Variants in PTPRD observed in about 807,000 individuals in gnomAD.
PTPRD encodes the protein receptor-type tyrosine-protein phosphatase delta.
Under a neutral mutation model 214.5 loss-of-function variants are expected in PTPRD, and 34 were observed. The observed-to-expected ratio is 0.16, with a 90% CI of 0.12 to 0.21. The LOEUF (loss-of-function observed/expected upper bound fraction) is 0.21, where lower values mean the gene tolerates loss of function less well. Among genes scored for constraint, PTPRD ranks in the 10% least tolerant of loss-of-function variants. PTPRD has a pLI of 1.00. For synonymous variants in PTPRD, 1,128 were observed against 845.7 expected (o/e 1.33, Z -5.79); for missense variants, 2,545 against 2,398.7 (o/e 1.06, Z -1.27).
At position 10,230,394 on chromosome 9, in the gene PTPRD, A is replaced by G. The variant is rs1031877107; in HGVS notation, c.-545+110569T>C. Among the ~76,000 whole-genome samples, 8 of 151,850 alleles carry G rather than the reference A, an allele frequency of 5.3e-5. No homozygotes were observed. The South Asian group carries it at 1.5e-3, about 28-fold the overall frequency. On this transcript the variant is annotated intron_variant, in intron 3 of 45. Coordinates refer to ENST00000381196, the MANE Select transcript of PTPRD (RefSeq NM_002839.4). ...TTAGTCTTTTCTTACCAAAACAGCTATCTATCTCTCTATGTATCTATCTAT... is the reference window on the plus strand; with the variant it reads ...TTAGTCTTTTCTTACCAAAACAGCTGTCTATCTCTCTATGTATCTATCTAT...
rs1390409256 is a variant in PTPRD, at chr9:8,948,481, TTA to T, written c.-104+70214_-104+70215del. ...TATATATATTTACATATATATATATTTATATATATATTTATATATATATTTAT... is the reference window on the plus strand; with the variant it reads ...TATATATATTTACATATATATATATTTATATATATTTATATATATATTTAT... On this transcript the variant is annotated intron_variant, in intron 11 of 45. Coordinates refer to ENST00000381196, the MANE Select transcript of PTPRD (RefSeq NM_002839.4). 4.6e-4 allele frequency among the ~76,000 whole-genome samples: 7 copies of T among 15,232 alleles called. 1 individual carries two copies. Among genetic ancestry groups the T allele is most frequent in the Non-Finnish European group, 8.9e-4 (6 of 6,706 alleles). The allele number at this position is 15,232 out of a possible 152,430, so 10.0% of individuals were successfully genotyped here.
At chr9:9,627,102 T>C (rs1164852412) in intron 7 of PTPRD, among the ~76,000 whole-genome samples, 2 of 152,084 alleles carry the variant, frequency 1.3e-5, no homozygotes, top group Admixed American at 1.3e-4. Flanking sequence ...TCACTTGAGG[T>C]CAGGAGTTCG....
chr9:9,774,187 G>T (rs957768627), intron 5 of PTPRD, among the ~76,000 whole-genome samples: 1 of 152,140 alleles, frequency 6.6e-6, no homozygotes, highest in African/African-American at 2.4e-5. Context: ...TGAATCTTCA[G>T]GTGCTACTTG....
At chr9:10,341,722 A>C (rs2096942732) in intron 2 of PTPRD, among the ~76,000 whole-genome samples, 1 of 152,032 alleles carries the variant, frequency 6.6e-6, no homozygotes, top group African/African-American at 2.4e-5. Context: ...ACTGCTGCTT[A>C]TCTGTAAAAT....
chr9:9,356,046 T>C (rs960736979), intron 9 of PTPRD, among the ~76,000 whole-genome samples: 1 of 151,242 alleles, frequency 6.6e-6, no homozygotes, highest in Non-Finnish European at 1.5e-5. Context: ...CAAGTTTTAG[T>C]GGAATGATGG....
chr9:9,979,292 A>T (rs1366947115), intron 4 of PTPRD, among the ~76,000 whole-genome samples: 2 of 152,090 alleles, frequency 1.3e-5, no homozygotes, highest in African/African-American at 4.8e-5. Flanking sequence ...AATATTTTAA[A>T]ATAAAATTTC....
chr9:9,892,171 T>C (rs1376699691), intron 5 of PTPRD, among the ~76,000 whole-genome samples: 1 of 152,008 alleles, frequency 6.6e-6, no homozygotes, highest in Non-Finnish European at 1.5e-5. Flanking sequence ...TGCTGATAAG[T>C]TCTATGAAGA....
chr9:8,923,750 G>A (rs2098844375), intron 11 of PTPRD, among the ~76,000 whole-genome samples: 1 of 152,116 alleles, frequency 6.6e-6, no homozygotes, highest in Admixed American at 6.5e-5. Flanking sequence ...ATAAACACAT[G>A]CTACCTACCA....
In PTPRD at chr9:9,254,151, G is replaced by C. The variant is rs1465722765; in HGVS notation, c.-202-70788C>G. On this transcript the variant is annotated intron_variant, in intron 9 of 45. Coordinates refer to ENST00000381196, the MANE Select transcript of PTPRD (RefSeq NM_002839.4). ...TAAGCAAAGACTTTTTCCCAAATAA[G>C]TGATATTAATAGGCTCCAGGGATTA... Among the ~76,000 whole-genome samples the C allele has an allele frequency of 6.6e-5, 10 of 152,172 alleles. No homozygotes were observed. In the South Asian group the frequency reaches 1.7e-3, roughly 25 times the overall value.
intron 5 of PTPRD, among the ~76,000 whole-genome samples, chr9:9,871,817 T>C (rs1280696920): frequency 6.6e-6 from 1 of 152,116 alleles, no homozygotes; most frequent in African/African-American, 2.4e-5. Flanking sequence ...GATTATCTTC[T>C]GGAAAGGGGC....
In PTPRD at chr9:9,431,281, C is replaced by T. The variant is rs539824394; in HGVS notation, c.-236-33799G>A. Among the ~76,000 whole-genome samples, 296 of 152,322 alleles carry T rather than the reference C, an allele frequency of 1.9e-3. 2 individuals are homozygous for T. The highest frequency in any genetic ancestry group is 6.4e-3 in the African/African-American group (266 of 41,578). Reference sequence around the variant, plus strand: ...CACTTCTCAAAAGAAGACACTTATGCAGTCAACAGACACATGAAAAATTGC... The same window carrying T: ...CACTTCTCAAAAGAAGACACTTATGTAGTCAACAGACACATGAAAAATTGC... On this transcript the variant is annotated intron_variant, in intron 8 of 45. Coordinates refer to ENST00000381196, the MANE Select transcript of PTPRD (RefSeq NM_002839.4).
chr9:8,662,265 C>A (rs772184041), intron 12 of PTPRD, among the ~76,000 whole-genome samples: 57 of 152,142 alleles, frequency 3.7e-4, no homozygotes, highest in Non-Finnish European at 6.0e-4. Flanking sequence ...TCGGTCCCTA[C>A]ATTTGTTACT....
intron 11 of PTPRD, among the ~76,000 whole-genome samples, chr9:8,840,642 G>A (rs1005832280): frequency 3.9e-5 from 6 of 152,142 alleles, no homozygotes; most frequent in Admixed American, 6.5e-5. Flanking sequence ...TGCCTTTCCG[G>A]TTTTTAATCA....
intron 3 of PTPRD, among the ~76,000 whole-genome samples, chr9:10,052,839 C>T (rs776055454): frequency 1.3e-5 from 2 of 152,104 alleles, no homozygotes; most frequent in African/African-American, 2.4e-5. Context: ...CTCTCTATTT[C>T]CCATCTCACC....
At chr9:10,598,518 C>T (rs564550710) in intron 2 of PTPRD, among the ~76,000 whole-genome samples, 2 of 151,838 alleles carry the variant, frequency 1.3e-5, no homozygotes, top group African/African-American at 4.8e-5. Flanking sequence ...CAGTCACATT[C>T]CTTATTGCAC....
chr9:8,540,898 T>C (rs1438423378), intron 14 of PTPRD, among the ~76,000 whole-genome samples: 1 of 152,202 alleles, frequency 6.6e-6, no homozygotes, highest in African/African-American at 2.4e-5. Context: ...ACAGTTTTTA[T>C]AGTTTTAAAG....
chr9:9,506,352 A>C (rs921953195), intron 8 of PTPRD, among the ~76,000 whole-genome samples: 1 of 151,452 alleles, frequency 6.6e-6, no homozygotes, highest in African/African-American at 2.4e-5. Context: ...TCAGGGAAGA[A>C]GAGCTGATTA....
intron 5 of PTPRD, among the ~76,000 whole-genome samples, chr9:9,827,282 C>G (rs1298459871): frequency 2.0e-5 from 3 of 152,154 alleles, no homozygotes; most frequent in Admixed American, 6.6e-5. Flanking sequence ...GTCACCAAAA[C>G]AGCATGGTAC....
intron 5 of PTPRD, among the ~76,000 whole-genome samples, chr9:9,772,564 T>C (rs1487750988): frequency 6.8e-6 from 1 of 147,402 alleles, no homozygotes; most frequent in Non-Finnish European, 1.5e-5. Flanking sequence ...CAAGCTTCTC[T>C]TTCCTGCTCT....
Sources: allele counts gnomAD v4.1 joint callset (sites outside exome capture counted in the v4.1 genomes callset), GRCh38; gene constraint gnomAD v4.1.1; transcripts MANE v1.5; gene names NCBI Gene and HGNC (gene_info 2026-07-23, HGNC 2026-07-21).